LRRC69: variants seen among roughly 807,000 people sequenced by gnomAD.
The protein encoded by LRRC69 is leucine-rich repeat-containing protein 69.
In LRRC69, 42 loss-of-function variants were observed where a neutral mutation model predicts 37.8. The observed-to-expected ratio is 1.11, with a 90% CI of 0.87 to 1.44. The LOEUF is 1.44. LRRC69 is among the 40% of genes most tolerant of loss of function. LRRC69 has a pLI of 0.00. For synonymous variants in LRRC69, 141 were observed against 143.1 expected, an observed-to-expected ratio of 0.99 and a Z score of 0.11; for missense variants, 357 against 401.9, an observed-to-expected ratio of 0.89 and a Z score of 0.96.
chr8:91,186,648 A>G (rs1809412949), intron 5 of LRRC69, among the ~76,000 whole-genome samples: 1 of 152,208 alleles, frequency 6.6e-6, no homozygotes, highest in African/African-American at 2.4e-5. Flanking sequence ...AGGTTGTTAT[A>G]TGACCAAATT....
At chr8:91,185,357 CTCTA>C (rs1038787908) in intron 5 of LRRC69, among the ~76,000 whole-genome samples, 2 of 125,952 alleles carry the variant, frequency 1.6e-5, no homozygotes, top group African/African-American at 5.7e-5. Context: ...CTCTCTCTCT[CTCTA>C]TCTGTGTGTG....
At position 91,142,510 on chromosome 8, in the gene LRRC69, C is replaced by G. The variant is rs572856082; in HGVS notation, c.651+6771C>G. Among the ~76,000 whole-genome samples, 87 of 152,162 alleles carry G rather than the reference C, an allele frequency of 5.7e-4. 1 individual carries two copies. The South Asian group carries it at 0.018, about 31-fold the overall frequency. ...CTGTTTGGAGCTGAGGATATTGAGG[C>G]TCCAGAGTAGTTTGTCCGCAGCAGT... On this transcript the variant is annotated intron_variant, in intron 5 of 7. Coordinates refer to ENST00000448384, the Ensembl canonical transcript of LRRC69.
At chr8:91,122,173 C>T (rs1266884303) in intron 1 of LRRC69, among the ~76,000 whole-genome samples, 1 of 152,036 alleles carries the variant, frequency 6.6e-6, no homozygotes, top group Non-Finnish European at 1.5e-5. Flanking sequence ...ACATTACAAG[C>T]TGTTTCTTGT....
chr8:91,175,165 G>T (rs1169421564), intron 5 of LRRC69, among the ~76,000 whole-genome samples: 1 of 152,044 alleles, frequency 6.6e-6, no homozygotes, highest in Non-Finnish European at 1.5e-5. Context: ...TACACAGGGA[G>T]GAGTAGGGAA....
intron 5 of LRRC69, among the ~76,000 whole-genome samples, chr8:91,160,026 G>A (rs1005887605): frequency 1.1e-4 from 16 of 151,334 alleles, no homozygotes; most frequent in South Asian, 2.1e-4. Flanking sequence ...AACATGAGAT[G>A]TCTTTCCATT....
intron 5 of LRRC69, among the ~76,000 whole-genome samples, chr8:91,182,828 A>C (rs1365034849): frequency 2.0e-5 from 3 of 152,214 alleles, no homozygotes; most frequent in African/African-American, 7.2e-5. Flanking sequence ...AGTTATTACC[A>C]AATAATTAAC....
intron 5 of LRRC69, among the ~76,000 whole-genome samples, chr8:91,141,942 G>A (rs1808539809): frequency 6.6e-6 from 1 of 151,830 alleles, no homozygotes; most frequent in Non-Finnish European, 1.5e-5. Context: ...GGGATTTCTG[G>A]GAAGAAAGGA....
intron 1 of LRRC69, among the ~76,000 whole-genome samples, chr8:91,117,898 G>A (rs1158651983): frequency 1.3e-5 from 2 of 151,834 alleles, no homozygotes; most frequent in Non-Finnish European, 2.9e-5. Context: ...AGAGTGGTCA[G>A]TATGGTCAGG....
chr8:91,135,600 T>A (rs966516402), intron 4 of LRRC69, 68 bp from the exon 5 acceptor site: 91 of 1,066,874 alleles, frequency 8.5e-5, no homozygotes, highest in Non-Finnish European at 1.2e-5. Flanking sequence ...TTTAAAAAAA[T>A]TTATGATTTT....
chr8:91,197,915 C>G (rs1168707169), intron 6 of LRRC69, among the ~76,000 whole-genome samples: 1 of 152,164 alleles, frequency 6.6e-6, no homozygotes, highest in African/African-American at 2.4e-5. Context: ...AAGTAGCTAT[C>G]TATGCCTGTA....
chr8:91,171,191 T>C (rs1809122479), intron 5 of LRRC69, among the ~76,000 whole-genome samples: 1 of 152,054 alleles, frequency 6.6e-6, no homozygotes, highest in Admixed American at 6.6e-5. Flanking sequence ...TAAGGCTGAA[T>C]CGTGTTTCTC....
intron 4 of LRRC69, 89 bp from the exon 5 acceptor site, chr8:91,135,579 C>A: frequency 2.5e-6 from 2 of 793,614 alleles, no homozygotes; most frequent in Admixed American, 3.7e-5. Context: ...CCACCTTCAT[C>A]ATGTTGGAGC....
chr8:91,124,479 C>T lies in LRRC69; in HGVS notation c.184-14C>T. The T allele has an allele frequency of 5.3e-6, 8 of 1,519,814 alleles. No individual in the cohort carries two copies. The highest frequency in any genetic ancestry group is 1.4e-5 in the African/African-American group (1 of 71,618). 94.1% of individuals were successfully genotyped at this position (1,519,814 alleles called of 1,614,324 possible). On this transcript the variant is annotated splice_polypyrimidine_tract_variant and intron_variant, in intron 1 of 7. Transcript: ENST00000448384. Reference sequence around the variant, plus strand: ...GATGATATATGAGTCCATTAAACCTCTATATGTTTGCAGTTGACAACACTA... The same window carrying T: ...GATGATATATGAGTCCATTAAACCTTTATATGTTTGCAGTTGACAACACTA...
At chr8:91,213,954 A>T (rs1353547102) in intron 7 of LRRC69, among the ~76,000 whole-genome samples, 3 of 152,116 alleles carry the variant, frequency 2.0e-5, no homozygotes, top group Non-Finnish European at 4.4e-5. Context: ...AGGGGTTTGA[A>T]CTTGATCTTG....
At chr8:91,213,024 C>A (rs1184409297) in intron 7 of LRRC69, among the ~76,000 whole-genome samples, 3 of 152,096 alleles carry the variant, frequency 2.0e-5, no homozygotes, top group South Asian at 2.1e-4. Context: ...TATTCTGTAT[C>A]TATAATTTTT....
chr8:91,118,835 A>G (rs886226906), intron 1 of LRRC69, among the ~76,000 whole-genome samples: 3 of 152,090 alleles, frequency 2.0e-5, no homozygotes, highest in Non-Finnish European at 2.9e-5. Flanking sequence ...CTTTCTGTAT[A>G]TCTGCTATTT....
chr8:91,218,558 C>A lies in LRRC69; in HGVS notation c.934-332C>A, dbSNP rs1173936437. On this transcript the variant is annotated intron_variant, in intron 7 of 7. Coordinates refer to ENST00000448384, the Ensembl canonical transcript of LRRC69. ...TATTTGCTGATTGATCAATTTAATA[C>A]CCCTGAAGGACAAAAGTCAGGTTCA... Among the ~76,000 whole-genome samples the A allele has an allele frequency of 3.9e-5, 6 of 152,206 alleles. No homozygotes were observed. In the East Asian group the frequency reaches 9.7e-4, roughly 24 times the overall value.
intron 5 of LRRC69, among the ~76,000 whole-genome samples, chr8:91,154,474 C>T (rs1375645239): frequency 2.0e-5 from 3 of 151,754 alleles, no homozygotes; most frequent in Non-Finnish European, 4.4e-5. Context: ...CAAAAATCCC[C>T]AATAAAATAC....
intron 5 of LRRC69, among the ~76,000 whole-genome samples, chr8:91,171,909 G>A (rs892403832): frequency 6.6e-6 from 1 of 151,390 alleles, no homozygotes; most frequent in African/African-American, 2.4e-5. Flanking sequence ...TTAAAAATGT[G>A]TATGTGAGTG....
Sources: gnomAD v4.1 joint callset for allele counts (sites outside exome capture counted in the v4.1 genomes callset) on GRCh38, gnomAD v4.1.1 for gene constraint, MANE v1.5 for transcripts, NCBI Gene and HGNC (gene_info 2026-07-23, HGNC 2026-07-21) for gene names.